Variants in ERP44 observed in about 807,000 individuals in gnomAD.
ERP44 encodes endoplasmic reticulum protein 44.
ERP44 carries 25 observed loss-of-function variants against 53.4 expected under a neutral mutation model. The observed-to-expected ratio is 0.47, with a 90% CI of 0.34 to 0.65. The LOEUF (loss-of-function observed/expected upper bound fraction) is 0.65, where lower values mean the gene tolerates loss of function less well. ERP44 is among the 30% of genes least tolerant of loss of function. The pLI is 0.01. For missense variants in ERP44, 338 were observed against 493.2 expected (o/e 0.69, Z 2.98); for synonymous variants, 145 against 161.2 (o/e 0.90, Z 0.76).
intron 4 of ERP44, among the ~76,000 whole-genome samples, chr9:100,050,172 G>A (rs1372567611): frequency 1.3e-5 from 2 of 152,086 alleles, no homozygotes; most frequent in African/African-American, 2.4e-5. Context: ...AGGTATAGAA[G>A]GGACAGACAG....
At chr9:100,014,080 C>CT (rs1401165092) in intron 8 of ERP44, among the ~76,000 whole-genome samples, 3 of 152,088 alleles carry the variant, frequency 2.0e-5, no homozygotes, top group Non-Finnish European at 4.4e-5. Flanking sequence ...GAAAAGCTTC[C>CT]TATAGTCCTA....
At chr9:100,002,947 T>G (rs1398911920) in intron 10 of ERP44, among the ~76,000 whole-genome samples, 1 of 152,166 alleles carries the variant, frequency 6.6e-6, no homozygotes, top group Non-Finnish European at 1.5e-5. Flanking sequence ...ATAACTTGAA[T>G]ATTTACTCTT....
At position 100,022,182 on chromosome 9, in the gene ERP44, TG is replaced by T; in HGVS notation, c.330del (p.Lys111AsnfsTer7). 6.2e-7 allele frequency: 1 copy of T among 1,613,864 alleles called. No individual in the cohort carries two copies. Among genetic ancestry groups the T allele is most frequent in the Non-Finnish European group, 8.5e-7 (1 of 1,179,860 alleles). On this transcript the variant is annotated frameshift_variant, in exon 5 of 12. Transcript: ENST00000262455. LOFTEE classifies it high-confidence loss of function. ...QRYRISKYPT[L>X]KLFRNGMMMK... is the part of the protein sequence containing the mutation. ...ATCATCATCCCATTACGAAACAATTTGAGGGTTGGGTATTTGCTTATCCTGT... is the reference window on the plus strand; with the variant it reads ...ATCATCATCCCATTACGAAACAATTTAGGGTTGGGTATTTGCTTATCCTGT...
At chr9:100,056,187 C>A (rs1160375436) in intron 3 of ERP44, among the ~76,000 whole-genome samples, 3 of 152,176 alleles carry the variant, frequency 2.0e-5, no homozygotes, top group Non-Finnish European at 2.9e-5. Context: ...GAAAGTACTT[C>A]AATCCCCTGG....
At chr9:99,987,247 A>C (rs1277901019) in intron 10 of ERP44, among the ~76,000 whole-genome samples, 1 of 152,256 alleles carries the variant, frequency 6.6e-6, no homozygotes, top group Admixed American at 6.5e-5. Context: ...ATCCATCATT[A>C]TTAAGAAGTA....
chr9:100,016,521 A>G, intron 7 of ERP44, 83 bp from the exon 8 acceptor site: 1 of 1,436,676 alleles, frequency 7.0e-7, no homozygotes, highest in Non-Finnish European at 9.1e-7. Flanking sequence ...ATATTTTTTA[A>G]AGCAAGGTCT....
chr9:100,056,358 T>G (rs1402866302), intron 3 of ERP44, among the ~76,000 whole-genome samples: 1 of 152,246 alleles, frequency 6.6e-6, no homozygotes, highest in East Asian at 1.9e-4. Context: ...AACTTTTTAC[T>G]AAAGTTCTTT....
chr9:100,067,932 G>C (rs1425573898), intron 1 of ERP44, among the ~76,000 whole-genome samples: 1 of 151,390 alleles, frequency 6.6e-6, no homozygotes, highest in African/African-American at 2.4e-5. Context: ...CACCCCGTCT[G>C]GGAAGTGAGG....
At position 99,979,759 on chromosome 9, in the gene ERP44, C is replaced by T; in HGVS notation, c.*2853G>A. ...TGAGGCCCCGAGTAGATCAGATAAA[C>T]CGGGGAAGACTTCTACCTGAAATGG... On this transcript the variant is annotated 3_prime_UTR_variant, in exon 12 of 12. Coordinates refer to ENST00000262455, the MANE Select transcript of ERP44 (RefSeq NM_015051.3). 2.6e-6 allele frequency: 1 copy of T among 390,216 alleles called. No individual in the cohort carries two copies. The highest frequency in any genetic ancestry group is 3.6e-5 in the East Asian group (1 of 27,620). 24.2% of individuals were successfully genotyped at this position (390,216 alleles called of 1,614,324 possible). A position where few individuals can be genotyped will look rare whatever the true frequency, so the allele number is the denominator to read the frequency against.
chr9:100,023,239 G>A (rs1391259212), intron 4 of ERP44, among the ~76,000 whole-genome samples: 1 of 151,914 alleles, frequency 6.6e-6, no homozygotes, highest in Middle Eastern at 3.2e-3. Context: ...CCTGAGCAAG[G>A]ATTTAATGAG....
At chr9:100,028,528 T>C (rs962677017) in intron 4 of ERP44, among the ~76,000 whole-genome samples, 2 of 152,226 alleles carry the variant, frequency 1.3e-5, no homozygotes, top group African/African-American at 2.4e-5. Flanking sequence ...TTCGAAATTT[T>C]GGAAAGCAGA....
intron 4 of ERP44, among the ~76,000 whole-genome samples, chr9:100,039,585 A>G (rs979037995): frequency 6.6e-6 from 1 of 152,114 alleles, no homozygotes; most frequent in Admixed American, 6.5e-5. Flanking sequence ...AAAACTTCCA[A>G]TAAATAACCT....
intron 5 of ERP44, among the ~76,000 whole-genome samples, chr9:100,021,644 G>A (rs1830590936): frequency 6.6e-6 from 1 of 152,168 alleles, no homozygotes; most frequent in South Asian, 2.1e-4. Context: ...TTATTATTAA[G>A]AAGAGGCTAT....
At chr9:99,992,067 C>T (rs528584201) in intron 10 of ERP44, among the ~76,000 whole-genome samples, 12 of 152,300 alleles carry the variant, frequency 7.9e-5, no homozygotes, top group African/African-American at 2.4e-4. Flanking sequence ...GACGGATTCA[C>T]AGCCGACTTC....
intron 9 of ERP44, among the ~76,000 whole-genome samples, chr9:100,007,056 T>C (rs141971154): frequency 6.6e-5 from 10 of 152,356 alleles, no homozygotes; most frequent in African/African-American, 1.7e-4. Flanking sequence ...ACCTGCAAGA[T>C]AGTATGTGAC....
At chr9:99,996,556 T>A (rs576550649) in intron 10 of ERP44, among the ~76,000 whole-genome samples, 1 of 152,234 alleles carries the variant, frequency 6.6e-6, no homozygotes, top group South Asian at 2.1e-4. Flanking sequence ...CATTGGTTAT[T>A]GGGGTACAGG....
intron 10 of ERP44, among the ~76,000 whole-genome samples, chr9:100,002,949 T>TCCTA (rs1830393442): frequency 6.6e-6 from 1 of 152,154 alleles, no homozygotes; most frequent in Non-Finnish European, 1.5e-5. Flanking sequence ...AACTTGAATA[T>TCCTA]TTACTCTTTT....
intron 10 of ERP44, among the ~76,000 whole-genome samples, chr9:99,991,969 A>G (rs965898249): frequency 6.6e-6 from 1 of 152,242 alleles, no homozygotes; most frequent in African/African-American, 2.4e-5. Context: ...TAAACCAGGA[A>G]GACGTTGAAT....
At chr9:100,061,831 A>G (rs1223513461) in intron 1 of ERP44, among the ~76,000 whole-genome samples, 1 of 152,136 alleles carries the variant, frequency 6.6e-6, no homozygotes, top group African/African-American at 2.4e-5. Flanking sequence ...TCAAACATTA[A>G]CTAGAAAGAT....
Sources: allele counts gnomAD v4.1 joint callset (sites outside exome capture counted in the v4.1 genomes callset), GRCh38; gene constraint gnomAD v4.1.1; transcripts MANE v1.5; gene names NCBI Gene and HGNC (gene_info 2026-07-23, HGNC 2026-07-21).